The following RASAL3 variants were observed in gnomAD, a reference collection of about 807,000 sequenced individuals.
RASAL3 encodes RAS protein activator like 3.
A neutral mutation model predicts 105.5 loss-of-function variants in RASAL3; 74 were observed. That is an observed-to-expected ratio of 0.70 (90% confidence interval 0.58 to 0.85). The LOEUF is 0.85. Among genes scored for constraint, RASAL3 ranks in the 40% least tolerant of loss-of-function variants. RASAL3 has a pLI of 0.00. For synonymous variants in RASAL3, 579 were observed against 591.6 expected, an observed-to-expected ratio of 0.98 and a Z score of 0.31; for missense variants, 1,352 against 1,392.0, an observed-to-expected ratio of 0.97 and a Z score of 0.46.
intron 11 of RASAL3, among the ~76,000 whole-genome samples, chr19:15,455,548 G>C (rs985247843): frequency 7.2e-5 from 11 of 152,204 alleles, no homozygotes; most frequent in African/African-American, 2.7e-4. Context: ...TGGGTCTCAG[G>C]TTACTTGGGG....
chr19:15,458,031 G>A (rs1970383435), intron 8 of RASAL3, 197 bp from the exon 9 acceptor site: 2 of 662,734 alleles, frequency 3.0e-6, no homozygotes, highest in East Asian at 2.7e-5. Context: ...TGGGCTCTCC[G>A]GGAGAGTTGG....
At position 15,457,556 on chromosome 19, in the gene RASAL3, C is replaced by A. The variant is rs1970365218; in HGVS notation, c.1167G>T (p.Glu389Asp). ...VLGRVALALE[E>D]LDAPRAPAAG... ...CGGCAGGCGCGCGTGGGGCGTCCAG[C>A]TCCTCCAGCGCCAGGGCCACGCGGC... Residue 389 changes from glutamate to aspartate, a missense_variant, in exon 9 of 18, where the codon GAG (glutamate) becomes GAT (aspartate). Coordinates refer to ENST00000343625, the MANE Select transcript of RASAL3 (RefSeq NM_022904.3). This position sits in a 1 kb window ranked among gnomAD's most constrained non-coding sequence, Gnocchi z 8.6. 1 of 1,162,130 alleles carries A rather than the reference C, an allele frequency of 8.6e-7. No homozygotes were observed. Among genetic ancestry groups the A allele is most frequent in the Admixed American group, 5.0e-5 (1 of 19,888 alleles). The allele number at this position is 1,162,130 out of a possible 1,614,324, so 72.0% of individuals were successfully genotyped here. A position where few individuals can be genotyped will look rare whatever the true frequency, so the allele number is the denominator to read the frequency against.
At position 15,461,306 on chromosome 19, in the gene RASAL3, C is replaced by T. The variant is rs1427162431; in HGVS notation, c.466-10G>A. ...GGGGCCTTCGAGGACCCTGTTCTCC[C>T]GCAGGAGTGGGTAGTCAGAGAGGGG... On this transcript the variant is annotated splice_polypyrimidine_tract_variant and intron_variant, in intron 3 of 17. Transcript: ENST00000343625. 6.8e-6 allele frequency: 11 copies of T among 1,611,506 alleles called. No homozygotes were observed. Among genetic ancestry groups the T allele is most frequent in the Non-Finnish European group, 8.5e-6 (10 of 1,178,886 alleles).
rs746001297 is a variant in RASAL3, at chr19:15,451,797, A to C, written c.3034T>G (p.Ter1012GlyextTer23). The C allele has an allele frequency of 1.1e-5, 17 of 1,593,276 alleles. No individual in the cohort carries two copies. Among genetic ancestry groups the C allele is most frequent in the Non-Finnish European group, 1.4e-5 (16 of 1,165,060 alleles). Residue 1012 changes from the stop codon to glycine, a stop_lost, in exon 18 of 18, where the codon TGA becomes GGA. Coordinates refer to ENST00000343625, the MANE Select transcript of RASAL3 (RefSeq NM_022904.3). ...KAPCLNGDTT[*>G] Reference sequence around the variant, plus strand: ...TGTGATGAGGCAGGATGGGCAGCTCAGGTGGTGTCTCCATTGAGGCAGGGT... The same window carrying C: ...TGTGATGAGGCAGGATGGGCAGCTCCGGTGGTGTCTCCATTGAGGCAGGGT...
chr19:15,460,963 C>A, intron 5 of RASAL3, 97 bp downstream of exon 5: 1 of 1,139,960 alleles, frequency 8.8e-7, no homozygotes, highest in South Asian at 1.3e-5. Flanking sequence ...GGGTCAGCAA[C>A]CTGCTCCAGA....
chr19:15,463,749 G>T (rs561114822), intron 2 of RASAL3, among the ~76,000 whole-genome samples: 3 of 152,086 alleles, frequency 2.0e-5, no homozygotes, highest in African/African-American at 7.2e-5. Flanking sequence ...GGAGAGACCC[G>T]TTGGGGCCAA....
chr19:15,460,164 G>C (rs1357306262), intron 6 of RASAL3, 39 bp downstream of exon 6: 1 of 1,561,082 alleles, frequency 6.4e-7, no homozygotes, highest in Non-Finnish European at 8.7e-7. Flanking sequence ...AGGGGCCAGT[G>C]TTGAACCCCA....
At chr19:15,458,496 G>T (rs1970401741) in intron 7 of RASAL3, 33 bp downstream of exon 7, 1 of 1,613,730 alleles carries the variant, frequency 6.2e-7, no homozygotes, top group Non-Finnish European at 8.5e-7. Flanking sequence ...AGGTGGGACT[G>T]AGGTGGAATC....
intron 16 of RASAL3, 75 bp downstream of exon 16, chr19:15,452,583 G>GC (rs1185270820): frequency 1.7e-5 from 21 of 1,206,902 alleles, no homozygotes; most frequent in Non-Finnish European, 2.0e-5. Flanking sequence ...TTTGGGGGGG[G>GC]GGGGGAGGGC....
At chr19:15,452,936 C>T (rs1179178244) in intron 15 of RASAL3, 121 bp from the exon 16 acceptor site, 5 of 1,456,276 alleles carry the variant, frequency 3.4e-6, no homozygotes, top group Admixed American at 4.4e-5. Context: ...TGGGGAACAT[C>T]CCTCCTGCGG....
Position 15,457,188 on chromosome 19 carries a change from C to A in RASAL3, c.1431+104G>T. On this transcript the variant is annotated intron_variant, in intron 9 of 17. Transcript: ENST00000343625. The surrounding 1 kb of genome is among the most constrained non-coding windows in gnomAD (Gnocchi z 8.6). ...CCCCTCACACCCCTTCAAGGTGTCT[C>A]CCCCATTACAGGTGCAACTCAGGTC... 1 of 985,752 alleles carries A rather than the reference C, an allele frequency of 1.0e-6. No individual in the cohort carries two copies. Among genetic ancestry groups the A allele is most frequent in the Non-Finnish European group, 1.3e-6 (1 of 761,224 alleles). The allele number at this position is 985,752 out of a possible 1,614,324, so 61.1% of individuals were successfully genotyped here.
rs199723638 is a variant in RASAL3, at chr19:15,458,378, C to G, written c.838G>C (p.Glu280Gln). The change falls in exon 8 of 18, where the codon GAG becomes CAG. Residue 280 changes from glutamate to glutamine, a missense_variant. By Grantham distance (29) the Glu-to-Gln change is conservative. This residue lies in a region of RASAL3 where 88 missense variants were observed against 132.7 expected (regional missense o/e 0.66). Transcript: ENST00000343625. Reference protein sequence around the residue: ...SRCFSCRSAAERDRWIEDLRR... With the variant: ...SRCFSCRSAAQRDRWIEDLRR... ...AGGTCCTCGATCCAGCGGTCTCTCTCAGCGGCCGAGCGACAAGAGAAGCAG... is the reference window on the plus strand; with the variant it reads ...AGGTCCTCGATCCAGCGGTCTCTCTGAGCGGCCGAGCGACAAGAGAAGCAG... 1.2e-6 allele frequency: 2 copies of G among 1,613,924 alleles called. No individual in the cohort carries two copies. Among genetic ancestry groups the G allele is most frequent in the African/African-American group, 1.3e-5 (1 of 75,044 alleles).
intron 3 of RASAL3, 48 bp from the exon 4 acceptor site, chr19:15,461,344 A>G (rs1970503038): frequency 6.3e-7 from 1 of 1,579,944 alleles, no homozygotes; most frequent in Non-Finnish European, 8.6e-7. Context: ...GCAGGCAGGC[A>G]GGCAGGCAGG....
chr19:15,464,469 G>A (rs1599757820), intron 1 of RASAL3, 36 bp downstream of exon 1: 2 of 1,084,824 alleles, frequency 1.8e-6, no homozygotes, highest in East Asian at 5.2e-5. Flanking sequence ...CTGCCTCCAG[G>A]AATCCCCCTG....
In RASAL3 at chr19:15,453,313, C is replaced by A; in HGVS notation, c.2464G>T (p.Val822Phe). 6.7e-7 allele frequency: 1 copy of A among 1,481,968 alleles called. No individual in the cohort carries two copies. The allele number at this position is 1,481,968 out of a possible 1,614,324, so 91.8% of individuals were successfully genotyped here. A position where few individuals can be genotyped will look rare whatever the true frequency, so the allele number is the denominator to read the frequency against. Residue 822 changes from valine to phenylalanine, a missense_variant, in exon 15 of 18, where the codon GTC becomes TTC. Transcript: ENST00000343625. The surrounding 1 kb of genome is among the most constrained non-coding windows in gnomAD (Gnocchi z 4.2). ...TGGCGGCGGCGGGCAGGACGCCGGACCGGGACACTCTGCGTGCGCTGCACC... is the reference window on the plus strand; with the variant it reads ...TGGCGGCGGCGGGCAGGACGCCGGAACGGGACACTCTGCGTGCGCTGCACC... ...RPVQRTQSVP[V>F]RRPARRRQSA...
Position 15,456,651 on chromosome 19 carries a change from G to A in RASAL3, c.1432-5C>T. The A allele has an allele frequency of 6.2e-7, 1 of 1,610,660 alleles. No individual in the cohort carries two copies. The highest frequency in any genetic ancestry group is 2.2e-5 in the East Asian group (1 of 44,842). On this transcript the variant is annotated splice_region_variant and splice_polypyrimidine_tract_variant and intron_variant, in intron 9 of 17. Coordinates refer to ENST00000343625, the MANE Select transcript of RASAL3 (RefSeq NM_022904.3). The surrounding 1 kb of genome is among the most constrained non-coding windows in gnomAD (Gnocchi z 4.4). ...GCCCAGGTCAGTCACCAGCGCCTAG[G>A]AAGGGCAGGAGGTCAGGTTGCACCA...
rs368495878 is a variant in RASAL3, at chr19:15,461,307, G to T, written c.466-11C>A. 2 of 1,610,866 alleles carry T rather than the reference G, an allele frequency of 1.2e-6. No homozygotes were observed. The highest frequency in any genetic ancestry group is 2.7e-5 in the African/African-American group (2 of 74,838). ...GGGCCTTCGAGGACCCTGTTCTCCC[G>T]CAGGAGTGGGTAGTCAGAGAGGGGA... On this transcript the variant is annotated splice_polypyrimidine_tract_variant and intron_variant, in intron 3 of 17. Transcript: ENST00000343625.
At chr19:15,454,974 A>C in intron 11 of RASAL3, 81 bp from the exon 12 acceptor site, 1 of 1,054,018 alleles carries the variant, frequency 9.5e-7, no homozygotes, top group Non-Finnish European at 1.4e-6. Flanking sequence ...GGAGTCCCAG[A>C]AGCACTGCAT....
Position 15,461,140 on chromosome 19 carries a change from G to A in RASAL3, c.545-19C>T, listed in dbSNP as rs764070791. The A allele has an allele frequency of 3.1e-6, 5 of 1,613,732 alleles. No individual in the cohort carries two copies. Among genetic ancestry groups the A allele is most frequent in the Non-Finnish European group, 4.2e-6 (5 of 1,179,820 alleles). On this transcript the variant is annotated intron_variant, in intron 4 of 17. Transcript: ENST00000343625. ...ATCCGATCTGTGGGTCGTTATGGGTGGCAGGTTGGGGGGTTGGATTCTGCC... is the reference window on the plus strand; with the variant it reads ...ATCCGATCTGTGGGTCGTTATGGGTAGCAGGTTGGGGGGTTGGATTCTGCC...
Sources: gnomAD v4.1 joint callset for allele counts (sites outside exome capture counted in the v4.1 genomes callset) on GRCh38, gnomAD v4.1.1 for gene constraint, gnomAD v4.1.1 regional missense constraint, Gnocchi (gnomAD v3.1) non-coding constraint, MANE v1.5 for transcripts, NCBI Gene and HGNC (gene_info 2026-07-23, HGNC 2026-07-21) for gene names.